Variants in SLC24A2 observed in about 807,000 individuals in gnomAD.
SLC24A2 encodes the protein solute carrier family 24 member 2, also known as sodium/potassium/calcium exchanger 2.
Under a neutral mutation model 62.0 loss-of-function variants are expected in SLC24A2, and 36 were observed. The observed-to-expected ratio is 0.58, with a 90% confidence interval of 0.44 to 0.77. SLC24A2 has a LOEUF of 0.77. Among genes scored for constraint, SLC24A2 ranks in the 30% least tolerant of loss-of-function variants. The pLI, the probability that SLC24A2 is intolerant of heterozygous loss-of-function variation, is 0.00. For missense variants in SLC24A2, 846 were observed against 817.9 expected (o/e 1.03, Z -0.42); for synonymous variants, 358 against 294.0 (o/e 1.22, Z -2.23).
chr9:20,063,828 A>G, the SLC24A2 span, among the ~76,000 whole-genome samples: 1 of 152,172 alleles, frequency 6.6e-6, no homozygotes, highest in Non-Finnish European at 1.5e-5. Context: ...TTACCAATGC[A>G]TATCAACTAA....
chr9:20,137,695 C>T, the SLC24A2 span, among the ~76,000 whole-genome samples: 1 of 152,162 alleles, frequency 6.6e-6, no homozygotes, highest in African/African-American at 2.4e-5. Context: ...TCTCTTACTA[C>T]ACCGCTCAAT....
chr9:19,947,290 C>G, the SLC24A2 span, among the ~76,000 whole-genome samples: 5 of 151,366 alleles, frequency 3.3e-5, no homozygotes, highest in African/African-American at 1.2e-4. Context: ...TTTTGAAAGC[C>G]AAAATTATTA....
Position 19,521,023 on chromosome 9 carries a change from C to T in SLC24A2, c.1607G>A (p.Gly536Asp). ...ETIGISEEIM[G>D]LTILAAGTSI... ...GGTCCCAGCAGCCAAGATGGTCAGG[C>T]CCATAATCTCTTCACTGATGCCAAT... Residue 536 changes from glycine to aspartate, a missense_variant, in exon 10 of 11, where the codon GGC (glycine) becomes GAC (aspartate). Gly to Asp is a moderately conservative substitution (Grantham distance 94). Coordinates refer to ENST00000341998, the MANE Select transcript of SLC24A2 (RefSeq NM_020344.4). 6.2e-7 allele frequency: 1 copy of T among 1,614,046 alleles called. No individual in the cohort carries two copies. Among genetic ancestry groups the T allele is most frequent in the Non-Finnish European group, 8.5e-7 (1 of 1,179,962 alleles).
At position 19,708,671 on chromosome 9, in the gene SLC24A2, A is replaced by C. The variant is rs1020424887; in HGVS notation, c.930+77266T>G. Among the ~76,000 whole-genome samples, 12 of 152,370 alleles carry C rather than the reference A, an allele frequency of 7.9e-5. No homozygotes were observed. In the East Asian group the frequency reaches 1.9e-3, roughly 24 times the overall value. ...GCAATGGGGAAAGGATTCCCTATTT[A>C]ATAAATGGTGCTGGGAAAACTGGCT... On this transcript the variant is annotated intron_variant, in intron 2 of 10. Transcript: ENST00000341998.
chr9:19,872,042 T>A, the SLC24A2 span, among the ~76,000 whole-genome samples: 590 of 152,228 alleles, frequency 3.9e-3, 6 homozygotes, highest in African/African-American at 0.013. Flanking sequence ...TTAATTTTAG[T>A]AACTAGATGG....
chr9:19,705,566 GC>G (rs1564052465), intron 2 of SLC24A2: 4 of 230,830 alleles, frequency 1.7e-5, no homozygotes, highest in Non-Finnish European at 9.5e-6. Context: ...GGAAGTGGAA[GC>G]CCCCCAAAAC....
the SLC24A2 span, among the ~76,000 whole-genome samples, chr9:19,970,489 C>A: frequency 2.0e-5 from 3 of 152,116 alleles, no homozygotes; most frequent in African/African-American, 7.2e-5. Context: ...ATTCCTAACA[C>A]AGAAAATCTC....
intron 2 of SLC24A2, among the ~76,000 whole-genome samples, chr9:19,731,224 GTC>G: frequency 6.6e-6 from 1 of 152,246 alleles, no homozygotes; most frequent in Non-Finnish European, 1.5e-5. Context: ...TTTGAATCCT[GTC>G]TCTGTCATAA....
At chr9:19,780,872 CAA>C (rs373405657) in intron 2 of SLC24A2, among the ~76,000 whole-genome samples, 3 of 36,246 alleles carry the variant, frequency 8.3e-5, no homozygotes, top group Non-Finnish European at 1.3e-4. Context: ...GACTCCGTCT[CAA>C]AAAAAAAAAA....
chr9:19,638,104 G>A (rs1818403993), intron 2 of SLC24A2, among the ~76,000 whole-genome samples: 1 of 152,178 alleles, frequency 6.6e-6, no homozygotes, highest in Non-Finnish European at 1.5e-5. Flanking sequence ...AGTAAGAAGA[G>A]TAAATAGCCC....
chr9:19,737,570 G>C (rs1340000374), intron 2 of SLC24A2, among the ~76,000 whole-genome samples: 1 of 151,546 alleles, frequency 6.6e-6, no homozygotes, highest in Non-Finnish European at 1.5e-5. Context: ...TGATTTAAAA[G>C]GTTAAAAAAT....
At chr9:20,095,783 A>C in the SLC24A2 span, among the ~76,000 whole-genome samples, 1 of 151,930 alleles carries the variant, frequency 6.6e-6, no homozygotes, top group Non-Finnish European at 1.5e-5. Context: ...GTTTTAATGG[A>C]CTCACATTTC....
chr9:19,996,846 G>A, the SLC24A2 span, among the ~76,000 whole-genome samples: 2 of 151,864 alleles, frequency 1.3e-5, no homozygotes, highest in Admixed American at 1.3e-4. Flanking sequence ...ACGTTTCCCT[G>A]GTTTGAGAAT....
chr9:20,214,319 C>G, the SLC24A2 span, among the ~76,000 whole-genome samples: 1 of 152,066 alleles, frequency 6.6e-6, no homozygotes, highest in African/African-American at 2.4e-5. Flanking sequence ...GTTTTGTGCA[C>G]TTAAAATTTG....
the SLC24A2 span, among the ~76,000 whole-genome samples, chr9:20,223,256 T>A: frequency 8.1e-4 from 123 of 152,278 alleles, no homozygotes; most frequent in African/African-American, 2.9e-3. Context: ...AACACCTTAA[T>A]AAATGAACAT....
chr9:19,619,706 C>T lies in SLC24A2; in HGVS notation c.970-14G>A. 1.3e-6 allele frequency: 2 copies of T among 1,589,604 alleles called. No homozygotes were observed. The highest frequency in any genetic ancestry group is 1.7e-6 in the Non-Finnish European group (2 of 1,157,816). ...ACGCGGCTTAGCCTGAGCAGAGAAACCAAAGAGATGGTTAGTCTCAGGAAT... is the reference window on the plus strand; with the variant it reads ...ACGCGGCTTAGCCTGAGCAGAGAAATCAAAGAGATGGTTAGTCTCAGGAAT... On this transcript the variant is annotated splice_polypyrimidine_tract_variant and intron_variant, in intron 3 of 10. Transcript: ENST00000341998.
At chr9:20,113,370 G>A in the SLC24A2 span, among the ~76,000 whole-genome samples, 7 of 152,086 alleles carry the variant, frequency 4.6e-5, no homozygotes, top group Non-Finnish European at 8.8e-5. Context: ...CTGTTCACAG[G>A]ACTGTTTGAG....
the SLC24A2 span, among the ~76,000 whole-genome samples, chr9:19,944,309 A>G: frequency 6.6e-6 from 1 of 152,174 alleles, no homozygotes; most frequent in Non-Finnish European, 1.5e-5. Context: ...AAAGCCACTT[A>G]CAATGTCAGC....
At chr9:19,519,982 T>A (rs1376376167) in intron 10 of SLC24A2, among the ~76,000 whole-genome samples, 2 of 152,200 alleles carry the variant, frequency 1.3e-5, no homozygotes, top group Non-Finnish European at 2.9e-5. Flanking sequence ...ATCTGAATAA[T>A]AGGGGTGATA....
Sources: gnomAD v4.1 joint callset for allele counts (sites outside exome capture counted in the v4.1 genomes callset) on GRCh38, gnomAD v4.1.1 for gene constraint, MANE v1.5 for transcripts, NCBI Gene and HGNC (gene_info 2026-07-23, HGNC 2026-07-21) for gene names.